The following FRYL variants were observed in gnomAD, a reference collection of about 807,000 sequenced individuals.
FRYL encodes protein furry homolog-like.
FRYL carries 150 observed loss-of-function variants against 351.2 expected under a neutral mutation model. The ratio of observed to expected loss-of-function variants is 0.43; its 90% CI spans 0.37 to 0.49. The LOEUF is 0.49. Among genes scored for constraint, FRYL ranks in the 20% least tolerant of loss-of-function variants. The pLI is 0.00. For missense variants in FRYL, 3,036 were observed against 3,619.3 expected (o/e 0.84, Z 4.13); for synonymous variants, 1,153 against 1,257.1 (o/e 0.92, Z 1.75).
chr4:48,557,832 T>A, intron 33 of FRYL, 120 bp from the exon 34 acceptor site: 1 of 1,106,656 alleles, frequency 9.0e-7, no homozygotes, highest in Non-Finnish European at 1.3e-6. Flanking sequence ...ACTTAACAAT[T>A]ATGAGTATTG....
intron 3 of FRYL, among the ~76,000 whole-genome samples, chr4:48,657,023 T>G (rs1374404223): frequency 2.0e-5 from 3 of 152,200 alleles, no homozygotes; most frequent in Non-Finnish European, 4.4e-5. Flanking sequence ...ATAAGTATTT[T>G]CTTTCTAATC....
chr4:48,642,964 T>C (rs1418147058), intron 3 of FRYL, among the ~76,000 whole-genome samples: 1 of 152,180 alleles, frequency 6.6e-6, no homozygotes, highest in Non-Finnish European at 1.5e-5. Context: ...ACAAGCTGAA[T>C]TATATTGCTA....
chr4:48,750,792 G>C (rs1468390602), intron 1 of FRYL, among the ~76,000 whole-genome samples: 1 of 152,178 alleles, frequency 6.6e-6, no homozygotes, highest in African/African-American at 2.4e-5. Flanking sequence ...TGAGTTGAGA[G>C]TCATTCTTCA....
intron 62 of FRYL, 119 bp downstream of exon 62, chr4:48,501,503 TA>T (rs1291965082): frequency 4.5e-6 from 3 of 668,740 alleles, no homozygotes; most frequent in Non-Finnish European, 5.3e-6. Flanking sequence ...ATTCCTTAAC[TA>T]AAAGAAAAAA....
chr4:48,523,052 C>T lies in FRYL; in HGVS notation c.7370G>A (p.Ser2457Asn). ...NWGVRRRSLDSIDKGDTPSLQ... is the reference protein window; with the variant it reads ...NWGVRRRSLDNIDKGDTPSLQ... The stretch of plus-strand genomic sequence containing the variant: ...GGATGGAGTGTCCCCTTTGTCAATA[C>T]TGTCCAGTGAGCGCCTGCGAACTCC... The change falls in exon 54 of 64, where the codon AGT becomes AAT. Residue 2457 changes from serine (S) to asparagine (N), a missense_variant. This residue lies in a region of FRYL where 1,987 missense variants were observed against 2,311.7 expected (regional missense o/e 0.86). Transcript: ENST00000358350. 6.2e-7 allele frequency: 1 copy of T among 1,613,928 alleles called. No homozygotes were observed. Among genetic ancestry groups the T allele is most frequent in the Non-Finnish European group, 8.5e-7 (1 of 1,179,886 alleles).
Position 48,567,902 on chromosome 4 carries a change from A to G in FRYL, c.2997-482T>C, listed in dbSNP as rs1737160035. Among the ~76,000 whole-genome samples, 1 of 152,236 alleles carries G rather than the reference A, an allele frequency of 6.6e-6. No individual in the cohort carries two copies. Among genetic ancestry groups the G allele is most frequent in the Admixed American group, 6.5e-5 (1 of 15,288 alleles). ...TATCAGGGATGCAAAAATCTAAGAGAATTCTTGTAAGAATAGGGTAGAGTA... is the reference window on the plus strand; with the variant it reads ...TATCAGGGATGCAAAAATCTAAGAGGATTCTTGTAAGAATAGGGTAGAGTA... On this transcript the variant is annotated intron_variant, in intron 27 of 63. Coordinates refer to ENST00000358350, the MANE Select transcript of FRYL (RefSeq NM_015030.2). This position sits in a 1 kb window ranked among gnomAD's most constrained non-coding sequence, Gnocchi z 4.2.
rs1756133820 is a variant in FRYL at position 48,645,124 on chromosome 4, T to TATATATATATATATATATATA, written c.-80-10635_-80-10634insTATATATATATATATATATAT. ...ATTAAACCAGCAGTGAGCTTTCATTTTATATATATATATATATATATATAT... is the reference window on the plus strand; with the variant it reads ...ATTAAACCAGCAGTGAGCTTTCATTTATATATATATATATATATATATATATATATATATATATATATATAT... On this transcript the variant is annotated intron_variant, in intron 3 of 63. Coordinates refer to ENST00000358350, the MANE Select transcript of FRYL (RefSeq NM_015030.2). 6.9e-4 allele frequency among the ~76,000 whole-genome samples: 73 copies of TATATATATATATATATATATA among 105,458 alleles called. 2 individuals are homozygous for TATATATATATATATATATATA. The highest frequency in any genetic ancestry group is 1.1e-3 in the Non-Finnish European group (55 of 48,320). 69.2% of individuals were successfully genotyped at this position (105,458 alleles called of 152,430 possible). A position where few individuals can be genotyped will look rare whatever the true frequency, so the allele number is the denominator to read the frequency against.
chr4:48,528,088 A>C (rs1341604948), intron 51 of FRYL, 43 bp from the exon 52 acceptor site: 22 of 1,558,578 alleles, frequency 1.4e-5, no homozygotes, highest in Non-Finnish European at 1.9e-5. Flanking sequence ...CTGCTGATAA[A>C]ATAAGACAAA....
intron 33 of FRYL, among the ~76,000 whole-genome samples, chr4:48,559,474 C>T (rs1323524760): frequency 7.3e-6 from 1 of 137,520 alleles, no homozygotes; most frequent in Non-Finnish European, 1.6e-5. Context: ...GTGGGAGGAT[C>T]CCCTGGGCCA....
In FRYL at chr4:48,585,156, T is replaced by C. The variant is rs148789073; in HGVS notation, c.1748+1465A>G. 1.8e-3 allele frequency among the ~76,000 whole-genome samples: 274 copies of C among 152,318 alleles called. 2 individuals are homozygous for C. The highest frequency in any genetic ancestry group is 5.9e-3 in the African/African-American group (247 of 41,570). On this transcript the variant is annotated intron_variant, in intron 19 of 63. Transcript: ENST00000358350. ...GAGTAAGAGCAGAATTGAACAGTAGTTGTTTACTGCTCTCCCAAGGAATAG... is the reference window on the plus strand; with the variant it reads ...GAGTAAGAGCAGAATTGAACAGTAGCTGTTTACTGCTCTCCCAAGGAATAG...
intron 2 of FRYL, among the ~76,000 whole-genome samples, chr4:48,702,679 T>C (rs529822983): frequency 1.2e-3 from 167 of 144,458 alleles, no homozygotes; most frequent in Middle Eastern, 3.6e-3. Flanking sequence ...CAGAATGGTG[T>C]GAATCCGGGA....
At chr4:48,598,841 T>C in intron 13 of FRYL, 1 of 984,966 alleles carries the variant, frequency 1.0e-6, no homozygotes. Flanking sequence ...GGAGTGTTTC[T>C]ATTTGTTTTC....
intron 1 of FRYL, among the ~76,000 whole-genome samples, chr4:48,719,126 T>C (rs1769189524): frequency 6.6e-6 from 1 of 151,628 alleles, no homozygotes; most frequent in African/African-American, 2.4e-5. Context: ...GCTTGGTAAT[T>C]CAATGGTGTC....
rs767814735 is a variant in FRYL at position 48,501,643 on chromosome 4, T to C, written c.8572A>G (p.Thr2858Ala). ...TTTACCTCTGCTTCATTTTTTATCG[T>C]ATTTACTTGGTTGATAAGTTTACAG... ...AYCKLINQVN[T>A]IKNEAEVINM... Residue 2858 changes from threonine to alanine, a missense_variant, in exon 62 of 64, where the codon ACG becomes GCG. Thr to Ala is a moderately conservative substitution (Grantham distance 58). This residue lies in a region of FRYL where 1,987 missense variants were observed against 2,311.7 expected (regional missense o/e 0.86). Coordinates refer to ENST00000358350, the MANE Select transcript of FRYL (RefSeq NM_015030.2). 6.3e-7 allele frequency: 1 copy of C among 1,592,922 alleles called. No homozygotes were observed. The highest frequency in any genetic ancestry group is 8.6e-7 in the Non-Finnish European group (1 of 1,161,536).
intron 12 of FRYL, among the ~76,000 whole-genome samples, chr4:48,602,817 T>C (rs1213076797): frequency 6.6e-6 from 1 of 152,194 alleles, no homozygotes; most frequent in Non-Finnish European, 1.5e-5. Context: ...GGTTACAACA[T>C]ATTTTTACTG....
In FRYL at chr4:48,531,252, A is replaced by ATC; in HGVS notation, c.6805_6806dup (p.Asp2269GlufsTer26). 6.2e-7 allele frequency: 1 copy of ATC among 1,609,872 alleles called. No homozygotes were observed. The highest frequency in any genetic ancestry group is 8.5e-7 in the Non-Finnish European group (1 of 1,176,146). ...TGAAGGATATTTCAGGAGAACCTGT[A>ATC]TCTCCTCCATAGGTCTTGGGGATAT... On this transcript the variant is annotated frameshift_variant, in exon 50 of 64. Transcript: ENST00000358350. LOFTEE classifies it high-confidence loss of function.
At chr4:48,706,484 G>C (rs1767362346) in intron 2 of FRYL, among the ~76,000 whole-genome samples, 1 of 152,110 alleles carries the variant, frequency 6.6e-6, no homozygotes, top group African/African-American at 2.4e-5. Context: ...TCAGGGGCTG[G>C]GCAAAGAAGA....
rs555305722 is a variant in FRYL, at chr4:48,668,821, A to G, written c.-81+15852T>C. On this transcript the variant is annotated intron_variant, in intron 3 of 63. Transcript: ENST00000358350. Reference sequence around the variant, plus strand: ...AGTTTCAGGAAGTCACCAGAATTGGAGGCTTATTAACTATAGCTGCCTCAA... The same window carrying G: ...AGTTTCAGGAAGTCACCAGAATTGGGGGCTTATTAACTATAGCTGCCTCAA... Among the ~76,000 whole-genome samples, 7 of 152,336 alleles carry G rather than the reference A, an allele frequency of 4.6e-5. No homozygotes were observed. The South Asian group carries it at 1.4e-3, about 32-fold the overall frequency.
chr4:48,694,771 C>T (rs1169456010), intron 2 of FRYL, among the ~76,000 whole-genome samples: 1 of 152,092 alleles, frequency 6.6e-6, no homozygotes, highest in Admixed American at 6.6e-5. Context: ...AAATCCCTGG[C>T]CCAAAAAAAC....
Sources: gnomAD v4.1 joint callset for allele counts (sites outside exome capture counted in the v4.1 genomes callset) on GRCh38, gnomAD v4.1.1 for gene constraint, gnomAD v4.1.1 regional missense constraint, Gnocchi (gnomAD v3.1) non-coding constraint, MANE v1.5 for transcripts, NCBI Gene and HGNC (gene_info 2026-07-23, HGNC 2026-07-21) for gene names.